Variants in RBBP7 observed in about 807,000 individuals in gnomAD.
The protein encoded by RBBP7 is histone-binding protein RBBP7.
In RBBP7, 5 loss-of-function variants were observed where a neutral mutation model predicts 35.2. That is an observed-to-expected ratio of 0.14 (90% CI 0.07 to 0.30). The LOEUF is 0.30. RBBP7 is among the 10% of genes least tolerant of loss of function. The pLI is 1.00. For synonymous variants in RBBP7, 140 were observed against 118.7 expected (o/e 1.18, Z -1.17); for missense variants, 155 against 327.5 (o/e 0.47, Z 4.07).
intron 2 of RBBP7, among the ~76,000 whole-genome samples, chrX:16,866,807 A>G (rs1930636414): frequency 9.1e-6 from 1 of 110,188 alleles, no homozygotes; most frequent in Admixed American, 9.7e-5. Flanking sequence ...TATACCCCAA[A>G]CTGAACCCTG....
rs143753430 is a variant in RBBP7 at position 16,857,234 on chromosome X, C to T, written c.597+360G>A. Among the ~76,000 whole-genome samples, 808 of 111,881 alleles carry T rather than the reference C, an allele frequency of 7.2e-3. 11 individuals are homozygous for T. The highest frequency in any genetic ancestry group is 0.024 in the African/African-American group (754 of 30,832). ...TAGAATTAGTGGCAATAGTTGTGCA[C>T]CTTTGTGAATATACTAAAACCCACT... On this transcript the variant is annotated intron_variant, in intron 5 of 11. Coordinates refer to ENST00000380087, the MANE Select transcript of RBBP7 (RefSeq NM_002893.4).
chrX:16,852,376 T>A (rs1160608499), intron 8 of RBBP7, 175 bp downstream of exon 8: 4 of 591,717 alleles, frequency 6.8e-6, no homozygotes, highest in Non-Finnish European at 1.1e-5. Flanking sequence ...CCCATAACCA[T>A]CCCAGAAGCT....
At chrX:16,867,608 A>G (rs1488849417) in intron 2 of RBBP7, among the ~76,000 whole-genome samples, 4 of 111,549 alleles carry the variant, frequency 3.6e-5, no homozygotes, top group African/African-American at 1.3e-4. Flanking sequence ...ATAGAAATCA[A>G]TGTTTGCATA....
intron 2 of RBBP7, among the ~76,000 whole-genome samples, chrX:16,864,526 C>CAAAAAAAA (rs61357554): frequency 3.8e-5 from 1 of 26,216 alleles, no homozygotes; most frequent in African/African-American, 1.7e-4. Context: ...ACTCCGTCTC[C>CAAAAAAAA]AAAAAAAAAA....
intron 11 of RBBP7, among the ~76,000 whole-genome samples, 157 bp downstream of exon 11, chrX:16,845,671 A>G (rs777393096): frequency 1.8e-5 from 2 of 112,872 alleles, no homozygotes; most frequent in African/African-American, 3.2e-5. Context: ...ATGGGACTAA[A>G]GATTGTATTG....
In RBBP7 at chrX:16,845,037, A is replaced by C; in HGVS notation, c.1276T>G (p.Ter426GluextTer15). ...GAAACATTTCTCGTACTTTGGGTTT[A>C]AGATCCTTGTCCCTCCAGTTCGGAT... ...TTSELEGQGS[*>E] Residue 426 changes from the stop codon to glutamate, a stop_lost, in exon 12 of 12, where the codon TAA becomes GAA. Transcript: ENST00000380087. 8.3e-7 allele frequency: 1 copy of C among 1,205,184 alleles called. No homozygotes were observed. Among genetic ancestry groups the C allele is most frequent in the Non-Finnish European group, 1.1e-6 (1 of 890,055 alleles).
chrX:16,858,590 A>G, intron 4 of RBBP7, 86 bp downstream of exon 4: 2 of 1,123,944 alleles, frequency 1.8e-6, no homozygotes, highest in South Asian at 2.4e-5. Context: ...TAAATATTAT[A>G]AAGTATGCTA....
intron 3 of RBBP7, among the ~76,000 whole-genome samples, chrX:16,861,453 C>T (rs1426544181): frequency 1.8e-5 from 2 of 111,270 alleles, no homozygotes; most frequent in Non-Finnish European, 3.8e-5. Flanking sequence ...TGGGCTCAAG[C>T]GATCCTCAGC....
intron 2 of RBBP7, 142 bp downstream of exon 2, chrX:16,868,934 G>A (rs905614426): frequency 2.1e-5 from 12 of 584,144 alleles, no homozygotes; most frequent in South Asian, 1.1e-4. Context: ...CACAAATCAC[G>A]TAAGTTTTGA....
chrX:16,869,557 C>T (rs1355902037), intron 1 of RBBP7: 3 of 1,166,808 alleles, frequency 2.6e-6, no homozygotes, highest in South Asian at 1.9e-5. Context: ...GACAAATGCA[C>T]GTGTAGCAGA....
chrX:16,858,981 T>C (rs1054044472), intron 3 of RBBP7, 132 bp from the exon 4 acceptor site: 8 of 980,080 alleles, frequency 8.2e-6, no homozygotes, highest in African/African-American at 7.8e-5. Flanking sequence ...GACAGAAACA[T>C]GCATAGAGAA....
chrX:16,844,381 T>C lies in RBBP7; in HGVS notation c.*654A>G, dbSNP rs914378593. 8.9e-6 allele frequency: 1 copy of C among 112,587 alleles called. No homozygotes were observed. The highest frequency in any genetic ancestry group is 1.9e-5 in the Non-Finnish European group (1 of 53,347). 9.3% of individuals were successfully genotyped at this position (112,587 alleles called of 1,213,427 possible). A position where few individuals can be genotyped will look rare whatever the true frequency, so the allele number is the denominator to read the frequency against. On this transcript the variant is annotated 3_prime_UTR_variant, in exon 12 of 12. Coordinates refer to ENST00000380087, the MANE Select transcript of RBBP7 (RefSeq NM_002893.4). ...CTGCTTTATTTTTACAGCCCACGTC[T>C]TTCATGAGGATACGAATTGTTAAGA...
chrX:16,870,300 T>C lies in RBBP7; in HGVS notation c.-247A>G. On this transcript the variant is annotated 5_prime_UTR_variant, in exon 1 of 12. Transcript: ENST00000380087. ...CTCTCCAAACTTGGAACGAGACTTT[T>C]CAACCCGCGCCTCCCAGCCCGCCCA... 1 of 279,241 alleles carries C rather than the reference T, an allele frequency of 3.6e-6. No individual in the cohort carries two copies. The highest frequency in any genetic ancestry group is 5.3e-6 in the Non-Finnish European group (1 of 189,834). The allele number at this position is 279,241 out of a possible 1,213,427, so 23.0% of individuals were successfully genotyped here.
At chrX:16,860,730 A>T (rs372506753) in intron 3 of RBBP7, among the ~76,000 whole-genome samples, 39 of 111,003 alleles carry the variant, frequency 3.5e-4, no homozygotes, top group African/African-American at 1.2e-3. Context: ...ATATTAACAA[A>T]GGTATTAACT....
chrX:16,859,203 C>T (rs1358328818), intron 3 of RBBP7, among the ~76,000 whole-genome samples: 1 of 112,478 alleles, frequency 8.9e-6, no homozygotes, highest in Non-Finnish European at 1.9e-5. Flanking sequence ...AGTTCAAATA[C>T]AACTCACTGT....
intron 2 of RBBP7, among the ~76,000 whole-genome samples, chrX:16,864,377 G>A (rs1930547943): frequency 9.1e-6 from 1 of 109,697 alleles, no homozygotes; most frequent in African/African-American, 3.3e-5. Context: ...AAATTAGCCG[G>A]GCATGGTGGC....
At chrX:16,850,929 CCTTT>C (rs2083977308) in intron 9 of RBBP7, among the ~76,000 whole-genome samples, 1 of 111,070 alleles carries the variant, frequency 9.0e-6, no homozygotes, top group African/African-American at 3.3e-5. Context: ...CAAAGCTCTG[CCTTT>C]ATTTATTTAT....
At chrX:16,863,576 T>C in intron 2 of RBBP7, among the ~76,000 whole-genome samples, 1 of 112,333 alleles carries the variant, frequency 8.9e-6, no homozygotes, top group Non-Finnish European at 1.9e-5. Flanking sequence ...ACAGAAAGTG[T>C]TGAATCAAAA....
At chrX:16,853,305 T>C (rs1930256863) in intron 6 of RBBP7, 1 of 165,483 alleles carries the variant, frequency 6.0e-6, no homozygotes, top group South Asian at 2.4e-4. Context: ...CCAACTGGCA[T>C]CACTCTGGAT....
Sources: allele counts gnomAD v4.1 joint callset (sites outside exome capture counted in the v4.1 genomes callset), GRCh38; gene constraint gnomAD v4.1.1; transcripts MANE v1.5; gene names NCBI Gene and HGNC (gene_info 2026-07-23, HGNC 2026-07-21).